MME: variants seen among roughly 807,000 people sequenced by gnomAD.
MME encodes the protein membrane metalloendopeptidase, also known as neprilysin.
MME carries 98 observed loss-of-function variants against 113.2 expected under a neutral mutation model. The observed-to-expected ratio is 0.87, with a 90% CI of 0.74 to 1.02. MME has a LOEUF of 1.02. Among genes scored for constraint, MME ranks in the 50% least tolerant of loss-of-function variants. The pLI is 0.00. For synonymous variants in MME, 292 were observed against 300.6 expected (o/e 0.97, Z 0.30); for missense variants, 836 against 896.0 (o/e 0.93, Z 0.86).
At chr3:155,148,298 GGTTT>G (rs1223147239) in intron 15 of MME, among the ~76,000 whole-genome samples, 1 of 151,990 alleles carries the variant, frequency 6.6e-6, no homozygotes, top group Admixed American at 6.6e-5. Flanking sequence ...ATTAATGTGA[GGTTT>G]GTTTGACACT....
chr3:155,129,301 C>T (rs1719949299), intron 8 of MME, among the ~76,000 whole-genome samples: 1 of 152,152 alleles, frequency 6.6e-6, no homozygotes, highest in Middle Eastern at 3.2e-3. Flanking sequence ...CGTAGGTCTC[C>T]TTTATCAGAT....
chr3:155,058,422 G>T (rs1300458733), intron 1 of MME, among the ~76,000 whole-genome samples: 1 of 152,152 alleles, frequency 6.6e-6, no homozygotes, highest in East Asian at 1.9e-4. Flanking sequence ...TAAATTAATG[G>T]ATGAATGAGA....
chr3:155,168,484 T>C lies in MME; in HGVS notation c.1781-8T>C. 2 of 1,607,966 alleles carry C rather than the reference T, an allele frequency of 1.2e-6. No individual in the cohort carries two copies. Among genetic ancestry groups the C allele is most frequent in the Non-Finnish European group, 1.7e-6 (2 of 1,175,282 alleles). Reference sequence around the variant, plus strand: ...AGTTCCCATTTTACTTAAATAAATATATTATAGGCAGAAACTTTAACAAAG... The same window carrying C: ...AGTTCCCATTTTACTTAAATAAATACATTATAGGCAGAAACTTTAACAAAG... On this transcript the variant is annotated splice_region_variant and splice_polypyrimidine_tract_variant and intron_variant, in intron 18 of 22. Coordinates refer to ENST00000360490, the MANE Select transcript of MME (RefSeq NM_007289.4).
At chr3:155,071,889 C>G (rs1321479803) in intron 1 of MME, among the ~76,000 whole-genome samples, 1 of 152,136 alleles carries the variant, frequency 6.6e-6, no homozygotes, top group African/African-American at 2.4e-5. Context: ...CGGCCGGGCG[C>G]GGTGGCTCAC....
intron 1 of MME, among the ~76,000 whole-genome samples, chr3:155,071,917 T>C (rs959127125): frequency 6.6e-6 from 1 of 151,290 alleles, no homozygotes; most frequent in Non-Finnish European, 1.5e-5. Context: ...ATCCCAGCAC[T>C]TTGGGAGGCC....
chr3:155,049,974 T>C (rs948720951), intron 1 of MME, among the ~76,000 whole-genome samples: 2 of 152,094 alleles, frequency 1.3e-5, no homozygotes, highest in Admixed American at 6.6e-5. Context: ...TCTGATCTCG[T>C]TCCTCCTCCG....
intron 14 of MME, 97 bp downstream of exon 14, chr3:155,144,554 C>A: frequency 1.3e-6 from 1 of 781,516 alleles, no homozygotes; most frequent in Non-Finnish European, 2.2e-6. Context: ...TCAAAGATTG[C>A]ATAAAAACTT....
At chr3:155,102,204 G>T (rs1293960597) in intron 3 of MME, among the ~76,000 whole-genome samples, 1 of 152,150 alleles carries the variant, frequency 6.6e-6, no homozygotes, top group Non-Finnish European at 1.5e-5. Context: ...TGCATATGCA[G>T]GTTTTAGTTT....
intron 3 of MME, among the ~76,000 whole-genome samples, chr3:155,095,653 A>T (rs375769262): frequency 2.3e-4 from 35 of 152,180 alleles, no homozygotes; most frequent in African/African-American, 8.2e-4. Flanking sequence ...CAGCTAGAAC[A>T]ACAGGCACAT....
rs1720304367 is a variant in MME at position 155,133,134 on chromosome 3, A to G, written c.721-4968A>G. Among the ~76,000 whole-genome samples, 3 of 147,756 alleles carry G rather than the reference A, an allele frequency of 2.0e-5. No homozygotes were observed. In the South Asian group the frequency reaches 6.4e-4, roughly 31 times the overall value. On this transcript the variant is annotated intron_variant, in intron 8 of 22. Coordinates refer to ENST00000360490, the MANE Select transcript of MME (RefSeq NM_007289.4). ...ATTATCATCATTTCACATTTTCCATATCTGGAAGTATCATAATAAAGAAAA... is the reference window on the plus strand; with the variant it reads ...ATTATCATCATTTCACATTTTCCATGTCTGGAAGTATCATAATAAAGAAAA...
intron 3 of MME, among the ~76,000 whole-genome samples, chr3:155,104,286 A>G (rs879942757): frequency 6.6e-6 from 1 of 152,146 alleles, no homozygotes; most frequent in Non-Finnish European, 1.5e-5. Flanking sequence ...GAGAAAGCCA[A>G]TGATTTAACA....
chr3:155,150,902 A>G (rs911604234), intron 16 of MME, among the ~76,000 whole-genome samples: 1 of 152,164 alleles, frequency 6.6e-6, no homozygotes, highest in African/African-American at 2.4e-5. Context: ...ACTGAGCCCT[A>G]TAGGATACAA....
intron 22 of MME, among the ~76,000 whole-genome samples, chr3:155,175,028 A>G (rs893949644): frequency 6.6e-6 from 1 of 152,066 alleles, no homozygotes. Context: ...TCTTTTAAGT[A>G]TTAACATTTT....
intron 3 of MME, among the ~76,000 whole-genome samples, chr3:155,113,960 G>C (rs28691749): frequency 0.026 from 3,908 of 152,152 alleles, 158 homozygotes; most frequent in African/African-American, 0.09. Flanking sequence ...TGGTTCAATG[G>C]GGGGGCTTGA....
chr3:155,076,130 C>G (rs1714739564), upstream of MME, among the ~76,000 whole-genome samples: 1 of 152,116 alleles, frequency 6.6e-6, no homozygotes, highest in East Asian at 1.9e-4. Flanking sequence ...AGATCTTTAA[C>G]TTGGAAATAC....
At chr3:155,176,332 A>G (rs1166192605) in intron 22 of MME, among the ~76,000 whole-genome samples, 1 of 152,220 alleles carries the variant, frequency 6.6e-6, no homozygotes, top group African/African-American at 2.4e-5. Context: ...TTACATAATA[A>G]AGTAAAAATT....
intron 1 of MME, among the ~76,000 whole-genome samples, chr3:155,026,863 A>G (rs540766174): frequency 1.2e-4 from 19 of 152,326 alleles, no homozygotes; most frequent in African/African-American, 4.1e-4. Flanking sequence ...AAGCAGGTTG[A>G]TGATGTTTCC....
intron 1 of MME, among the ~76,000 whole-genome samples, chr3:155,037,331 C>T (rs55801033): frequency 0.021 from 3,268 of 152,156 alleles, 114 homozygotes; most frequent in African/African-American, 0.069. Context: ...CAAAATTGCT[C>T]GGTAGGTACT....
At chr3:155,064,954 C>T (rs937340146) in intron 1 of MME, among the ~76,000 whole-genome samples, 5 of 152,142 alleles carry the variant, frequency 3.3e-5, no homozygotes, top group African/African-American at 7.2e-5. Flanking sequence ...ATATTATCCC[C>T]GACTAAATTA....
Sources: allele counts gnomAD v4.1 joint callset (sites outside exome capture counted in the v4.1 genomes callset), GRCh38; gene constraint gnomAD v4.1.1; transcripts MANE v1.5; gene names NCBI Gene and HGNC (gene_info 2026-07-23, HGNC 2026-07-21).